ZNF573: variants seen among roughly 807,000 people sequenced by gnomAD.
The protein encoded by ZNF573 is zinc finger protein 573.
Under a neutral mutation model 57.4 loss-of-function variants are expected in ZNF573, and 41 were observed. That is an observed-to-expected ratio of 0.71 (90% CI 0.56 to 0.93). The LOEUF (loss-of-function observed/expected upper bound fraction) is 0.93, where lower values mean the gene tolerates loss of function less well. ZNF573 is among the 40% of genes least tolerant of loss of function. ZNF573 has a pLI of 0.00. For missense variants in ZNF573, 730 were observed against 794.8 expected (o/e 0.92, Z 0.98); for synonymous variants, 249 against 261.0 (o/e 0.95, Z 0.44).
chr19:37,768,229 A>G (rs897920072), intron 4 of ZNF573, among the ~76,000 whole-genome samples: 1 of 152,200 alleles, frequency 6.6e-6, no homozygotes, highest in Non-Finnish European at 1.5e-5. Context: ...AAATGCCTTG[A>G]AAACAATTAC....
intron 4 of ZNF573, among the ~76,000 whole-genome samples, chr19:37,766,358 C>T (rs956226158): frequency 2.6e-5 from 4 of 152,200 alleles, no homozygotes; most frequent in African/African-American, 9.6e-5. Context: ...AGGTAGCTTA[C>T]TCTCTCCATA....
chr19:37,770,832 T>TTATTTATATATATATATATA (rs1555745092), intron 3 of ZNF573, among the ~76,000 whole-genome samples: 2 of 93,750 alleles, frequency 2.1e-5, no homozygotes, highest in Non-Finnish European at 3.6e-5. Context: ...TTAAGTTATT[T>TTATTTATATATATATATATA]TATATATATA....
In ZNF573 at chr19:37,770,092, G is replaced by A. The variant is rs2045641339; in HGVS notation, c.208C>T (p.His70Tyr). The change falls in exon 4 of 5, where the codon CAT becomes TAT. Residue 70 changes from histidine to tyrosine, a missense_variant. Transcript: ENST00000536220. ...NYRNLVSLGG[H>Y]SISKPVVVDL... ...ACCACAACTGGTTTAGAAATGGAAT[G>A]TCCTCCTTATAAGAAAAGAAATGCC... The A allele has an allele frequency of 1.3e-6, 2 of 1,548,088 alleles. No homozygotes were observed.
rs751625200 is a variant in ZNF573 at position 37,738,897 on chromosome 19, A to G, written c.1593T>C (p.Cys531=). The change falls in exon 5 of 5, where the codon TGT becomes TGC. Residue 531 remains cysteine, a synonymous_variant. Transcript: ENST00000536220. ...TTCTATAGAAAGTAAAGGTTTTTCT[A>G]CATACCTTACATTCATAGGGTTTCA... ...TGMKPYECKV[C]RKTFTFYRNL... 6.2e-7 allele frequency: 1 copy of G among 1,609,552 alleles called. No homozygotes were observed. The highest frequency in any genetic ancestry group is 1.7e-5 in the Admixed American group (1 of 59,350).
intron 4 of ZNF573, among the ~76,000 whole-genome samples, chr19:37,752,704 G>A (rs1328241177): frequency 6.6e-6 from 1 of 152,024 alleles, no homozygotes; most frequent in Non-Finnish European, 1.5e-5. Context: ...GCATGATCAT[G>A]GCTCACTGCA....
intron 1 of ZNF573, among the ~76,000 whole-genome samples, chr19:37,774,463 G>A (rs1302697609): frequency 6.6e-6 from 1 of 151,964 alleles, no homozygotes; most frequent in Non-Finnish European, 1.5e-5. Context: ...CTCTTCTATG[G>A]CATCAGAATC....
rs2045301708 is a variant in ZNF573 at position 37,739,510 on chromosome 19, T to G, written c.980A>C (p.Lys327Thr). ...ACATTCTTTACACTCATATGGCTTT[T>G]TACCAGTGTGAACTCTCTGATGTAC... ...LTVHQRVHTGKKPYECKECGK... is the reference protein window; with the variant it reads ...LTVHQRVHTGTKPYECKECGK... The change falls in exon 5 of 5, where the codon AAA (lysine) becomes ACA (threonine). Residue 327 changes from lysine to threonine, a missense_variant. Lys to Thr is a moderately conservative substitution (Grantham distance 78). Transcript: ENST00000536220. The G allele has an allele frequency of 6.2e-7, 1 of 1,613,038 alleles. No individual in the cohort carries two copies. Among genetic ancestry groups the G allele is most frequent in the Non-Finnish European group, 8.5e-7 (1 of 1,179,750 alleles).
At position 37,740,189 on chromosome 19, in the gene ZNF573, C is replaced by A; in HGVS notation, c.301G>T (p.Asp101Tyr). Residue 101 changes from aspartate to tyrosine, a missense_variant, in exon 5 of 5, where the codon GAT (aspartate) becomes TAT (tyrosine). Physicochemically the swap from Asp to Tyr is radical, Grantham distance 160. Coordinates refer to ENST00000536220, the MANE Select transcript of ZNF573 (RefSeq NM_001172690.2). Reference protein sequence around the residue: ...LREETQFTDLDLQCEIISYIE... With the variant: ...LREETQFTDLYLQCEIISYIE... Reference sequence around the variant, plus strand: ...TAGCTGATTATCTCACACTGTAAATCCAAATCTGAAACAAAAGAGGACAAC... The same window carrying A: ...TAGCTGATTATCTCACACTGTAAATACAAATCTGAAACAAAAGAGGACAAC... The A allele has an allele frequency of 6.4e-7, 1 of 1,552,986 alleles. No homozygotes were observed. The highest frequency in any genetic ancestry group is 1.2e-5 in the South Asian group (1 of 81,516).
intron 1 of ZNF573, among the ~76,000 whole-genome samples, chr19:37,774,169 G>A (rs554567258): frequency 6.0e-4 from 74 of 122,526 alleles, no homozygotes; most frequent in Non-Finnish European, 1.0e-3. Flanking sequence ...ATGGAGACTC[G>A]CTCTGTTGCC....
intron 1 of ZNF573, among the ~76,000 whole-genome samples, chr19:37,774,289 C>T (rs2045687689): frequency 6.6e-6 from 1 of 151,910 alleles, no homozygotes; most frequent in Admixed American, 6.6e-5. Flanking sequence ...AGGTGCGTAC[C>T]ACCACACCTA....
intron 1 of ZNF573, 138 bp from the exon 2 acceptor site, chr19:37,773,889 G>T: frequency 1.7e-6 from 1 of 575,344 alleles, no homozygotes; most frequent in Non-Finnish European, 3.0e-6. Context: ...ATGAATCTAA[G>T]CACTCCCTCA....
In ZNF573 at chr19:37,771,676, G is replaced by A. The variant is rs747478819; in HGVS notation, c.90C>T (p.Phe30=). Residue 30 remains phenylalanine (F), a synonymous_variant, in exon 3 of 5, where the codon TTC becomes TTT. Coordinates refer to ENST00000536220, the MANE Select transcript of ZNF573 (RefSeq NM_001172690.2). The part of the protein sequence containing the change: ...TMTCFQELVT[F]RDVAIDFSRQ... Reference sequence around the variant, plus strand: ...GAGAGAAGTCTATGGCCACATCCCTGAATGTCACTAATTCCTGAAACTGCA... The same window carrying A: ...GAGAGAAGTCTATGGCCACATCCCTAAATGTCACTAATTCCTGAAACTGCA... 1.3e-6 allele frequency: 2 copies of A among 1,592,242 alleles called. No homozygotes were observed. The highest frequency in any genetic ancestry group is 1.7e-6 in the Non-Finnish European group (2 of 1,173,750).
At chr19:37,774,308 T>G (rs1432260227) in intron 1 of ZNF573, among the ~76,000 whole-genome samples, 2 of 151,868 alleles carry the variant, frequency 1.3e-5, no homozygotes, top group African/African-American at 4.8e-5. Context: ...TAGCTAATTT[T>G]TTTTGTATTT....
chr19:37,741,268 TATCA>T, intron 4 of ZNF573, among the ~76,000 whole-genome samples: 1 of 152,184 alleles, frequency 6.6e-6, no homozygotes, highest in Non-Finnish European at 1.5e-5. Flanking sequence ...TCCATCTAGC[TATCA>T]ATCAATCATC....
intron 4 of ZNF573, among the ~76,000 whole-genome samples, chr19:37,754,249 C>T (rs548922321): frequency 3.9e-5 from 6 of 152,158 alleles, no homozygotes; most frequent in South Asian, 2.1e-4. Context: ...TGGCCGGGCA[C>T]GGTGGCTCAC....
At position 37,779,580 on chromosome 19, in the gene ZNF573, A is replaced by G. The variant is rs2045744511; in HGVS notation, c.-59T>C. 6.6e-6 allele frequency: 1 copy of G among 152,312 alleles called. No homozygotes were observed. The highest frequency in any genetic ancestry group is 1.5e-5 in the Non-Finnish European group (1 of 68,118). The allele number at this position is 152,312 out of a possible 1,614,324, so 9.4% of individuals were successfully genotyped here. Reference sequence around the variant, plus strand: ...ACCACGCGAAAACGGAAGGGAAGCCATAGATTGGGTGTTCCCGTTGCCCTC... The same window carrying G: ...ACCACGCGAAAACGGAAGGGAAGCCGTAGATTGGGTGTTCCCGTTGCCCTC... On this transcript the variant is annotated 5_prime_UTR_variant, in exon 1 of 5. An upstream start codon of the reference 5' UTR is lost. Coordinates refer to ENST00000536220, the MANE Select transcript of ZNF573 (RefSeq NM_001172690.2).
At chr19:37,740,871 A>G (rs1444821705) in intron 4 of ZNF573, among the ~76,000 whole-genome samples, 6 of 152,208 alleles carry the variant, frequency 3.9e-5, no homozygotes, top group Non-Finnish European at 8.8e-5. Flanking sequence ...TATACTTTAA[A>G]TCATCTCTGG....
chr19:37,770,761 G>GA (rs2045648443), intron 3 of ZNF573, among the ~76,000 whole-genome samples: 1 of 141,424 alleles, frequency 7.1e-6, no homozygotes, highest in Non-Finnish European at 1.5e-5. Context: ...ATCCAGTCTC[G>GA]AAAAAAATAA....
chr19:37,744,557 A>G (rs2045359813), intron 4 of ZNF573, among the ~76,000 whole-genome samples: 1 of 151,802 alleles, frequency 6.6e-6, no homozygotes, highest in African/African-American at 2.4e-5. Context: ...GGGCAACACA[A>G]TAAGACCTCT....
Sources: gnomAD v4.1 joint callset for allele counts (sites outside exome capture counted in the v4.1 genomes callset) on GRCh38, gnomAD v4.1.1 for gene constraint, MANE v1.5 for transcripts, NCBI Gene and HGNC (gene_info 2026-07-23, HGNC 2026-07-21) for gene names.